Variants in FAM110B observed in about 807,000 individuals in gnomAD.
The protein encoded by FAM110B is protein FAM110B.
In FAM110B, 6 loss-of-function variants were observed where a neutral mutation model predicts 20.4. The ratio of observed to expected loss-of-function variants is 0.29; its 90% CI spans 0.16 to 0.58. The LOEUF (loss-of-function observed/expected upper bound fraction) is 0.58. FAM110B is among the 20% of genes least tolerant of loss of function. The pLI is 0.90. For missense variants in FAM110B, 434 were observed against 498.2 expected (o/e 0.87, Z 1.23); for synonymous variants, 226 against 214.1 (o/e 1.06, Z -0.49).
At chr8:58,133,078 C>G (rs1370650438) in intron 3 of FAM110B, among the ~76,000 whole-genome samples, 1 of 151,942 alleles carries the variant, frequency 6.6e-6, no homozygotes, top group Admixed American at 6.6e-5. Flanking sequence ...GTTTTCATGT[C>G]TAATGAAAGA....
chr8:58,146,520 C>A lies in FAM110B; in HGVS notation c.290C>A (p.Thr97Lys). The change falls in exon 4 of 4, where the codon ACG becomes AAG. Residue 97 changes from threonine (T) to lysine (K), a missense_variant. Physicochemically the swap from Thr to Lys is moderately conservative, Grantham distance 78. Around this residue, in one of 3 missense-constraint regions of FAM110B, gnomAD observed 284 missense variants for 278.3 expected, o/e 1.02. Coordinates refer to ENST00000519262, the MANE Select transcript of FAM110B (RefSeq NM_001377989.1). ...GCCAAGCGCGCACTGGGCAGCCCCACGCTCAAAGTGTTCGGCAACCACGCC... is the reference window on the plus strand; with the variant it reads ...GCCAAGCGCGCACTGGGCAGCCCCAAGCTCAAAGTGTTCGGCAACCACGCC... Reference protein sequence around the residue: ...PAAKRALGSPTLKVFGNHAKT... With the variant: ...PAAKRALGSPKLKVFGNHAKT... The A allele has an allele frequency of 6.2e-7, 1 of 1,613,890 alleles. No individual in the cohort carries two copies. Among genetic ancestry groups the A allele is most frequent in the South Asian group, 1.1e-5 (1 of 91,086 alleles).
chr8:58,069,904 A>T (rs1282987459), intron 2 of FAM110B, among the ~76,000 whole-genome samples: 1 of 152,236 alleles, frequency 6.6e-6, no homozygotes, highest in African/African-American at 2.4e-5. Context: ...ATTTGAGGAA[A>T]ATAAGAACAC....
intron 2 of FAM110B, among the ~76,000 whole-genome samples, chr8:58,039,252 G>A (rs1370741223): frequency 2.6e-5 from 4 of 152,136 alleles, no homozygotes; most frequent in African/African-American, 4.8e-5. Flanking sequence ...TGCTGAAAAT[G>A]CAGGGAGCTC....
chr8:58,132,671 G>C (rs935336319), intron 3 of FAM110B, among the ~76,000 whole-genome samples: 5 of 152,180 alleles, frequency 3.3e-5, no homozygotes, highest in African/African-American at 1.2e-4. Flanking sequence ...CATGAGGTCT[G>C]GCTGCTGACA....
intron 2 of FAM110B, among the ~76,000 whole-genome samples, chr8:58,046,697 A>C (rs1805325666): frequency 6.6e-6 from 1 of 152,212 alleles, no homozygotes; most frequent in Non-Finnish European, 1.5e-5. Flanking sequence ...GCAAAATAGC[A>C]TTTCTTAATT....
chr8:58,146,750 C>A lies in FAM110B; in HGVS notation c.520C>A (p.Pro174Thr). The part of the protein sequence containing the change: ...KVYPTQGRRS[P>T]QEGGSHVGRR... Reference sequence around the variant, plus strand: ...CTACCCCACGCAGGGCCGCAGGAGCCCGCAGGAGGGCGGCTCCCACGTGGG... The same window carrying A: ...CTACCCCACGCAGGGCCGCAGGAGCACGCAGGAGGGCGGCTCCCACGTGGG... The change falls in exon 4 of 4, where the codon CCG becomes ACG. Residue 174 changes from proline to threonine, a missense_variant. Coordinates refer to ENST00000519262, the MANE Select transcript of FAM110B (RefSeq NM_001377989.1). 6.2e-7 allele frequency: 1 copy of A among 1,612,132 alleles called. No homozygotes were observed. The highest frequency in any genetic ancestry group is 8.5e-7 in the Non-Finnish European group (1 of 1,179,146).
intron 3 of FAM110B, among the ~76,000 whole-genome samples, chr8:58,097,153 A>C (rs1806653382): frequency 6.6e-6 from 1 of 151,944 alleles, no homozygotes; most frequent in Non-Finnish European, 1.5e-5. Flanking sequence ...ACTTGGTTCC[A>C]TTTTCCCCAT....
intron 3 of FAM110B, among the ~76,000 whole-genome samples, chr8:58,120,552 T>C (rs1487557935): frequency 1.3e-5 from 2 of 152,206 alleles, no homozygotes; most frequent in Non-Finnish European, 2.9e-5. Flanking sequence ...CAGGTGAACA[T>C]CTTTCTGTGT....
intron 2 of FAM110B, among the ~76,000 whole-genome samples, chr8:58,073,094 C>T (rs1394073235): frequency 1.3e-5 from 2 of 152,142 alleles, no homozygotes; most frequent in African/African-American, 2.4e-5. Flanking sequence ...AGATATTAGG[C>T]CTCTCATCTA....
chr8:58,079,622 A>G (rs7827266), intron 3 of FAM110B, among the ~76,000 whole-genome samples: 1 of 151,988 alleles, frequency 6.6e-6, no homozygotes, highest in African/African-American at 2.4e-5. Flanking sequence ...ACAAAAAAAA[A>G]TTTTTTAAAT....
At chr8:58,059,151 T>G (rs964601583) in intron 2 of FAM110B, among the ~76,000 whole-genome samples, 1 of 152,234 alleles carries the variant, frequency 6.6e-6, no homozygotes, top group Non-Finnish European at 1.5e-5. Context: ...TAATATCCAT[T>G]GTCTGGCTAT....
intron 1 of FAM110B, among the ~76,000 whole-genome samples, chr8:58,002,295 CAG>C (rs1804313894): frequency 6.6e-6 from 1 of 152,220 alleles, no homozygotes; most frequent in Non-Finnish European, 1.5e-5. Flanking sequence ...GTAATACAAT[CAG>C]AGTCAGGTTT....
At chr8:58,037,478 A>T (rs1000145565) in intron 2 of FAM110B, among the ~76,000 whole-genome samples, 6 of 151,804 alleles carry the variant, frequency 4.0e-5, no homozygotes, top group Admixed American at 2.0e-4. Flanking sequence ...CCACAAAAAA[A>T]AAAATTAAAA....
At chr8:58,124,964 C>G (rs1011180288) in intron 3 of FAM110B, among the ~76,000 whole-genome samples, 1 of 152,108 alleles carries the variant, frequency 6.6e-6, no homozygotes, top group South Asian at 2.1e-4. Context: ...AATCTCTTAT[C>G]AAAATATAAC....
At chr8:58,103,783 C>T (rs918199907) in intron 3 of FAM110B, among the ~76,000 whole-genome samples, 5 of 152,208 alleles carry the variant, frequency 3.3e-5, no homozygotes, top group African/African-American at 1.2e-4. Flanking sequence ...CCCTTCTCCT[C>T]CTGCCTCCCA....
In FAM110B at chr8:58,046,177, A is replaced by T. The variant is rs138236324; in HGVS notation, c.-414+14474A>T. ...TTCAGTAACATAAAATATGATATTC[A>T]TTAAGCATGGTGGCCAAGTTAGCAT... is the stretch of plus-strand genomic sequence containing the variant. On this transcript the variant is annotated intron_variant, in intron 2 of 3. Coordinates refer to ENST00000519262, the MANE Select transcript of FAM110B (RefSeq NM_001377989.1). 1.6e-4 allele frequency among the ~76,000 whole-genome samples: 25 copies of T among 152,354 alleles called. No homozygotes were observed. The South Asian group carries it at 4.8e-3, about 29-fold the overall frequency.
At chr8:58,138,150 G>T in intron 3 of FAM110B, among the ~76,000 whole-genome samples, 1 of 152,206 alleles carries the variant, frequency 6.6e-6, no homozygotes, top group East Asian at 1.9e-4. Context: ...TCTTGCAGTG[G>T]GAATCAATGT....
intron 3 of FAM110B, among the ~76,000 whole-genome samples, chr8:58,078,699 C>T (rs1320208275): frequency 1.3e-5 from 2 of 151,642 alleles, no homozygotes; most frequent in East Asian, 1.9e-4. Context: ...TACAGGCACC[C>T]GCCACCACGC....
chr8:58,111,376 A>C (rs1360462588), intron 3 of FAM110B, among the ~76,000 whole-genome samples: 1 of 152,160 alleles, frequency 6.6e-6, no homozygotes, highest in Non-Finnish European at 1.5e-5. Context: ...TCTGTTTTTT[A>C]AACTCAGTAG....
Sources: allele counts gnomAD v4.1 joint callset (sites outside exome capture counted in the v4.1 genomes callset), GRCh38; gene constraint gnomAD v4.1.1; regional missense constraint gnomAD v4.1.1; transcripts MANE v1.5; gene names NCBI Gene and HGNC (gene_info 2026-07-23, HGNC 2026-07-21).